ADAMTS3: variants seen among roughly 807,000 people sequenced by gnomAD.
The protein encoded by ADAMTS3 is ADAM metallopeptidase with thrombospondin type 1 motif 3.
Under a neutral mutation model 129.0 loss-of-function variants are expected in ADAMTS3, and 73 were observed. The ratio of observed to expected loss-of-function variants is 0.57; its 90% CI spans 0.47 to 0.69. The LOEUF (loss-of-function observed/expected upper bound fraction) is 0.69. ADAMTS3 is among the 30% of genes least tolerant of loss of function. ADAMTS3 has a pLI of 0.00. For synonymous variants in ADAMTS3, 477 were observed against 510.8 expected (o/e 0.93, Z 0.89); for missense variants, 1,457 against 1,514.5 (o/e 0.96, Z 0.63).
chr4:72,399,791 TGTGTGTATATATATACACACACG>T (rs1208752064), intron 4 of ADAMTS3, among the ~76,000 whole-genome samples: 1 of 147,930 alleles, frequency 6.8e-6, no homozygotes, highest in African/African-American at 2.6e-5. Flanking sequence ...TGTACGCATA[TGTGTGTATATATATACACACACG>T]GTGTGTATAT....
intron 3 of ADAMTS3, among the ~76,000 whole-genome samples, chr4:72,457,345 A>G (rs1718652204): frequency 6.6e-6 from 1 of 151,712 alleles, no homozygotes; most frequent in African/African-American, 2.4e-5. Context: ...GACTTGTAGT[A>G]TAAGGGAATA....
intron 3 of ADAMTS3, among the ~76,000 whole-genome samples, chr4:72,489,887 A>G (rs901752585): frequency 1.3e-5 from 2 of 151,878 alleles, no homozygotes; most frequent in Non-Finnish European, 2.9e-5. Flanking sequence ...TATACCCAAA[A>G]GTAGATCGCT....
chr4:72,380,282 T>C lies in ADAMTS3; in HGVS notation c.661+34533A>G, dbSNP rs558989053. Among the ~76,000 whole-genome samples the C allele has an allele frequency of 1.8e-3, 281 of 152,172 alleles. 1 individual carries two copies. Among genetic ancestry groups the C allele is most frequent in the African/African-American group, 6.1e-3 (255 of 41,518 alleles). On this transcript the variant is annotated intron_variant, in intron 4 of 21. Coordinates refer to ENST00000286657, the MANE Select transcript of ADAMTS3 (RefSeq NM_014243.3). ...AGAGCAAAGACCAAGTAGAAGCCAC[T>C]GAAGTAAATTTTTAAAGACATCTCT...
intron 3 of ADAMTS3, chr4:72,441,552 A>G (rs1718117115): frequency 6.6e-6 from 1 of 151,778 alleles, no homozygotes; most frequent in Non-Finnish European, 1.5e-5. Context: ...TAGTTTATCT[A>G]TGGTTTTCAT....
intron 18 of ADAMTS3, 75 bp downstream of exon 18, chr4:72,298,202 C>T: frequency 7.9e-7 from 1 of 1,259,408 alleles, no homozygotes; most frequent in Non-Finnish European, 1.1e-6. Context: ...CGATTAGAGA[C>T]AGCAATAAAG....
chr4:72,311,328 G>A (rs973276832), intron 13 of ADAMTS3, 147 bp from the exon 14 acceptor site: 55 of 736,932 alleles, frequency 7.5e-5, no homozygotes, highest in African/African-American at 5.6e-4. Context: ...TAAGGAGTAA[G>A]GAGGAAAGTA....
chr4:72,405,046 T>G (rs1444328105), intron 4 of ADAMTS3, among the ~76,000 whole-genome samples: 1 of 151,968 alleles, frequency 6.6e-6, no homozygotes, highest in Non-Finnish European at 1.5e-5. Flanking sequence ...AAAATAAGTA[T>G]TGAGGAGATG....
chr4:72,290,768 C>T, intron 20 of ADAMTS3, 87 bp downstream of exon 20: 8 of 1,379,600 alleles, frequency 5.8e-6, no homozygotes, highest in Non-Finnish European at 6.1e-6. Flanking sequence ...TCACACAAAG[C>T]CTAACTGATG....
chr4:72,350,407 T>A (rs1249339506), intron 4 of ADAMTS3, among the ~76,000 whole-genome samples: 1 of 152,110 alleles, frequency 6.6e-6, no homozygotes, highest in South Asian at 2.1e-4. Context: ...TTGTCAGTTC[T>A]GTGTTGGTTT....
chr4:72,349,138 C>T (rs191072559), intron 4 of ADAMTS3, among the ~76,000 whole-genome samples: 4 of 152,080 alleles, frequency 2.6e-5, no homozygotes, highest in African/African-American at 9.6e-5. Context: ...TGATGCAACT[C>T]TATGATTTTG....
intron 3 of ADAMTS3, among the ~76,000 whole-genome samples, chr4:72,416,011 A>G (rs1267980892): frequency 2.0e-5 from 3 of 151,608 alleles, no homozygotes; most frequent in Non-Finnish European, 4.4e-5. Flanking sequence ...CTTATTCTGT[A>G]TTTTCACACA....
intron 3 of ADAMTS3, among the ~76,000 whole-genome samples, chr4:72,517,622 A>G (rs1313177051): frequency 3.9e-5 from 6 of 152,152 alleles, no homozygotes; most frequent in Non-Finnish European, 7.3e-5. Flanking sequence ...CTTTATTTGC[A>G]TAGAGGTGTT....
chr4:72,412,787 T>A (rs1324576775), intron 4 of ADAMTS3, among the ~76,000 whole-genome samples: 3 of 151,980 alleles, frequency 2.0e-5, no homozygotes, highest in African/African-American at 4.8e-5. Flanking sequence ...TTGAAACTTG[T>A]CTCAAAATAT....
chr4:72,449,629 G>T (rs915624741), intron 3 of ADAMTS3, among the ~76,000 whole-genome samples: 2 of 151,698 alleles, frequency 1.3e-5, no homozygotes, highest in East Asian at 3.9e-4. Context: ...ACAGCAAGAT[G>T]AACATTTTCA....
chr4:72,283,295 G>A lies in ADAMTS3; in HGVS notation c.3459C>T (p.Thr1153=), dbSNP rs145023591. 3 of 1,613,990 alleles carry A rather than the reference G, an allele frequency of 1.9e-6. No individual in the cohort carries two copies. In the African/African-American group the frequency reaches 4.0e-5, roughly 22 times the overall value. The change falls in exon 22 of 22, where the codon ACC becomes ACT. Residue 1153 remains threonine (T), a synonymous_variant. Coordinates refer to ENST00000286657, the MANE Select transcript of ADAMTS3 (RefSeq NM_014243.3). ...RLVTVPSSPP[T]KRVHLSSASQ... Reference sequence around the variant, plus strand: ...AAGCTGAACTGAGGTGGACCCTCTTGGTGGGTGGGGAGGATGGTACGGTGA... The same window carrying A: ...AAGCTGAACTGAGGTGGACCCTCTTAGTGGGTGGGGAGGATGGTACGGTGA...
chr4:72,560,975 G>A (rs542540104), intron 2 of ADAMTS3, among the ~76,000 whole-genome samples: 1 of 152,292 alleles, frequency 6.6e-6, no homozygotes, highest in South Asian at 2.1e-4. Context: ...AGTCAACAGT[G>A]TCTGTGCTCC....
intron 4 of ADAMTS3, among the ~76,000 whole-genome samples, chr4:72,389,814 C>G (rs1253494197): frequency 6.6e-6 from 1 of 152,166 alleles, no homozygotes; most frequent in African/African-American, 2.4e-5. Flanking sequence ...ATCAATCAAT[C>G]ACAAATGCTC....
intron 21 of ADAMTS3, among the ~76,000 whole-genome samples, chr4:72,288,372 A>G (rs889187976): frequency 6.6e-6 from 1 of 152,228 alleles, no homozygotes; most frequent in Admixed American, 6.5e-5. Flanking sequence ...GAATAATTTT[A>G]GTAAAATATT....
Position 72,450,922 on chromosome 4 carries a change from GGGAAGGAA to G in ADAMTS3, c.505-35959_505-35952del, listed in dbSNP as rs4019789. On this transcript the variant is annotated intron_variant, in intron 3 of 21. Transcript: ENST00000286657. Reference sequence around the variant, plus strand: ...AAAGAGGAGGAGGAGGAGGAGAGCAGGGAAGGAAGGAAGGAAGGAAGGAAGGCAGGCAG... The same window carrying G: ...AAAGAGGAGGAGGAGGAGGAGAGCAGGGAAGGAAGGAAGGAAGGCAGGCAG... 8.7e-3 allele frequency among the ~76,000 whole-genome samples: 1,255 copies of G among 144,316 alleles called. 23 individuals are homozygous for G. Among genetic ancestry groups the G allele is most frequent in the African/African-American group, 0.031 (1,212 of 38,730 alleles). The allele number at this position is 144,316 out of a possible 152,430, so 94.7% of individuals were successfully genotyped here.
Sources: allele counts gnomAD v4.1 joint callset (sites outside exome capture counted in the v4.1 genomes callset), GRCh38; gene constraint gnomAD v4.1.1; transcripts MANE v1.5; gene names NCBI Gene and HGNC (gene_info 2026-07-23, HGNC 2026-07-21).